YIPF1: variants seen among roughly 807,000 people sequenced by gnomAD.
YIPF1 encodes Yip1 domain family member 1, also known as protein YIPF1.
In YIPF1, 22 loss-of-function variants were observed where a neutral mutation model predicts 37.0. The observed-to-expected ratio is 0.59, with a 90% confidence interval of 0.42 to 0.85. YIPF1 has a LOEUF of 0.85. YIPF1 is among the 40% of genes least tolerant of loss of function. The pLI is 0.00. For missense variants in YIPF1, 355 were observed against 373.1 expected (o/e 0.95, Z 0.40); for synonymous variants, 128 against 131.9 (o/e 0.97, Z 0.21).
Position 53,866,888 on chromosome 1 carries a change from C to T in YIPF1, c.518G>A (p.Trp173Ter). ...IAATIIYAYA[W>*]LVPLALWGFL... is the part of the protein sequence containing the mutation. ...ACCCCAGAGTGCAAGAGGAACCAGCCAGGCATAGGCATAGATGATGGTAGC... is the reference window on the plus strand; with the variant it reads ...ACCCCAGAGTGCAAGAGGAACCAGCTAGGCATAGGCATAGATGATGGTAGC... The change falls in exon 8 of 11, where the codon TGG becomes TAG. Residue 173 changes from tryptophan to a stop codon, truncating the protein, a stop_gained. Transcript: ENST00000072644. LOFTEE classifies it high-confidence loss of function. 1 of 1,613,870 alleles carries T rather than the reference C, an allele frequency of 6.2e-7. No individual in the cohort carries two copies. The highest frequency in any genetic ancestry group is 1.3e-5 in the African/African-American group (1 of 75,028).
At chr1:53,878,787 T>C (rs1650404043) in intron 4 of YIPF1, 65 bp from the exon 5 acceptor site, 14 of 1,469,176 alleles carry the variant, frequency 9.5e-6, no homozygotes, top group Non-Finnish European at 1.3e-5. Context: ...CTGCGTGGGG[T>C]GCAGGAGGGA....
At chr1:53,872,856 G>A (rs1225965652) in intron 6 of YIPF1, among the ~76,000 whole-genome samples, 1 of 152,140 alleles carries the variant, frequency 6.6e-6, no homozygotes, top group African/African-American at 2.4e-5. Context: ...TAGACTGAAA[G>A]CTTTCTGCTG....
At chr1:53,869,255 GT>G (rs1650114349) in intron 7 of YIPF1, among the ~76,000 whole-genome samples, 2 of 150,974 alleles carry the variant, frequency 1.3e-5, no homozygotes, top group Non-Finnish European at 2.9e-5. Flanking sequence ...CTATCTCATG[GT>G]TAACATTTAT....
At chr1:53,869,958 C>T (rs1237547045) in intron 7 of YIPF1, among the ~76,000 whole-genome samples, 1 of 145,870 alleles carries the variant, frequency 6.9e-6, no homozygotes, top group Non-Finnish European at 1.5e-5. Context: ...CTGCAACCTC[C>T]GCCTCCTGGG....
rs573985665 is a variant in YIPF1, at chr1:53,886,997, G to A, written c.31+1910C>T. ...CAGCTTGGGCAGAGACAGAAAGGAC[G>A]AGAGCAGCAGATGAAATCAGAGGGT... On this transcript the variant is annotated intron_variant, in intron 3 of 10. Coordinates refer to ENST00000072644, the MANE Select transcript of YIPF1 (RefSeq NM_018982.5). Among the ~76,000 whole-genome samples the A allele has an allele frequency of 2.3e-3, 353 of 152,096 alleles. 8 individuals are homozygous for A. Among genetic ancestry groups the A allele is most frequent in the African/African-American group, 7.9e-3 (327 of 41,374 alleles).
At chr1:53,865,406 A>ATTT (rs1649992320) in intron 9 of YIPF1, among the ~76,000 whole-genome samples, 1 of 152,236 alleles carries the variant, frequency 6.6e-6, no homozygotes, top group African/African-American at 2.4e-5. Context: ...CAATATGACA[A>ATTT]TAAAAATAAT....
At chr1:53,879,101 CTT>C (rs5774165) in intron 4 of YIPF1, among the ~76,000 whole-genome samples, 2 of 146,698 alleles carry the variant, frequency 1.4e-5, no homozygotes, top group African/African-American at 2.5e-5. Flanking sequence ...TATCTTTTCG[CTT>C]TTTTTTTTTG....
At chr1:53,878,259 C>T (rs1431795528) in intron 6 of YIPF1, 56 bp downstream of exon 6, 2 of 1,577,696 alleles carry the variant, frequency 1.3e-6, no homozygotes, top group Admixed American at 3.4e-5. Flanking sequence ...CCAGGCAACC[C>T]TCACACTCAC....
intron 10 of YIPF1, among the ~76,000 whole-genome samples, chr1:53,857,703 C>A (rs1234552639): frequency 6.6e-6 from 1 of 152,054 alleles, no homozygotes; most frequent in Non-Finnish European, 1.5e-5. Context: ...TTTGTCAGGC[C>A]GGGCGCGATG....
chr1:53,861,593 G>A (rs961104388), intron 9 of YIPF1, among the ~76,000 whole-genome samples: 3 of 148,574 alleles, frequency 2.0e-5, no homozygotes, highest in Non-Finnish European at 4.5e-5. Context: ...TGGGTGTGGT[G>A]GAGAGAGAAG....
chr1:53,872,477 A>G (rs956257696), intron 6 of YIPF1, among the ~76,000 whole-genome samples: 1 of 152,234 alleles, frequency 6.6e-6, no homozygotes, highest in Non-Finnish European at 1.5e-5. Context: ...TGAGTGGACC[A>G]TGCTTTACAA....
chr1:53,884,162 G>A (rs1374490595), intron 3 of YIPF1, among the ~76,000 whole-genome samples: 1 of 150,574 alleles, frequency 6.6e-6, no homozygotes, highest in Non-Finnish European at 1.5e-5. Context: ...TCGAGCCTCA[G>A]AGGTAGAGGC....
At chr1:53,877,304 A>G (rs11206233) in intron 6 of YIPF1, among the ~76,000 whole-genome samples, 58,321 of 152,072 alleles carry the variant, frequency 0.38, 11,408 homozygotes, top group East Asian at 0.57. Context: ...TAGAGTCCAT[A>G]TTTAAAATCA....
rs1650738421 is a variant in YIPF1 at position 53,889,248 on chromosome 1, T to C, written c.-54A>G. On this transcript the variant is annotated 5_prime_UTR_variant, in exon 2 of 11. Transcript: ENST00000072644. The stretch of plus-strand genomic sequence containing the variant: ...CAGGAATGAATCTCAACTCACTGTG[T>C]GAATGTTTAGAGAGCAGGTGCAGCC... 3.4e-6 allele frequency: 1 copy of C among 292,588 alleles called. No homozygotes were observed. The highest frequency in any genetic ancestry group is 6.6e-6 in the Non-Finnish European group (1 of 151,792). The allele number at this position is 292,588 out of a possible 1,614,324, so 18.1% of individuals were successfully genotyped here.
intron 3 of YIPF1, among the ~76,000 whole-genome samples, chr1:53,884,609 G>A (rs1349018571): frequency 6.6e-6 from 1 of 152,084 alleles, no homozygotes; most frequent in African/African-American, 2.4e-5. Flanking sequence ...CTTTTTGGGG[G>A]GCAGCCTTAA....
intron 3 of YIPF1, among the ~76,000 whole-genome samples, chr1:53,885,912 C>A (rs1323164579): frequency 4.0e-5 from 6 of 151,764 alleles, no homozygotes; most frequent in African/African-American, 1.5e-4. Context: ...ACCCTGTTTA[C>A]CCTGATGCAA....
At position 53,866,358 on chromosome 1, in the gene YIPF1, C is replaced by T. The variant is rs1253045021; in HGVS notation, c.673G>A (p.Ala225Thr). 2 of 1,613,924 alleles carry T rather than the reference C, an allele frequency of 1.2e-6. No individual in the cohort carries two copies. Among genetic ancestry groups the T allele is most frequent in the Non-Finnish European group, 1.7e-6 (2 of 1,179,986 alleles). ...ATCATGACTAGAATCCAACGAACAG[C>T]TTTCTGGGGGATAATCCACAGTATC... The part of the protein sequence containing the change: ...TAILWIIPQK[A>T]VRWILVMIAL... The change falls in exon 9 of 11, where the codon GCT becomes ACT. Residue 225 changes from alanine to threonine, a missense_variant. By Grantham distance (58) the Ala-to-Thr change is moderately conservative (BLOSUM62 0). Transcript: ENST00000072644.
intron 4 of YIPF1, among the ~76,000 whole-genome samples, chr1:53,882,183 G>C (rs115392178): frequency 2.6e-5 from 4 of 152,116 alleles, no homozygotes; most frequent in East Asian, 3.9e-4. Flanking sequence ...ACACATGGGA[G>C]GGGGAGCATC....
At chr1:53,858,927 T>C (rs968410437) in intron 10 of YIPF1, among the ~76,000 whole-genome samples, 2 of 152,204 alleles carry the variant, frequency 1.3e-5, no homozygotes, top group African/African-American at 2.4e-5. Flanking sequence ...TGAGCCACCA[T>C]AGCTGACCTG....
Sources: gnomAD v4.1 joint callset for allele counts (sites outside exome capture counted in the v4.1 genomes callset) on GRCh38, gnomAD v4.1.1 for gene constraint, MANE v1.5 for transcripts, NCBI Gene and HGNC (gene_info 2026-07-23, HGNC 2026-07-21) for gene names.